The following ANO4 variants were observed in gnomAD, a reference collection of about 807,000 sequenced individuals.
ANO4 encodes anoctamin 4.
Under a neutral mutation model 141.9 loss-of-function variants are expected in ANO4, and 69 were observed. The ratio of observed to expected loss-of-function variants is 0.49; its 90% CI spans 0.40 to 0.59. ANO4 has a LOEUF of 0.59. Among genes scored for constraint, ANO4 ranks in the 20% least tolerant of loss-of-function variants. The pLI is 0.00. For synonymous variants in ANO4, 350 were observed against 394.3 expected, an observed-to-expected ratio of 0.89 and a Z score of 1.33; for missense variants, 894 against 1,162.2, an observed-to-expected ratio of 0.77 and a Z score of 3.36.
intron 4 of ANO4, among the ~76,000 whole-genome samples, chr12:100,940,193 T>C (rs1323633563): frequency 1.3e-5 from 2 of 150,670 alleles, no homozygotes; most frequent in African/African-American, 4.9e-5. Context: ...AGTTTCTTTT[T>C]CTGTTTTTTT....
At chr12:100,733,329 C>T (rs1204121482) in intron 1 of ANO4, among the ~76,000 whole-genome samples, 11 of 152,144 alleles carry the variant, frequency 7.2e-5, no homozygotes, top group Non-Finnish European at 1.3e-4. Context: ...CTGCCTGCAT[C>T]GTTTCCCTCA....
intron 1 of ANO4, among the ~76,000 whole-genome samples, chr12:100,831,471 G>C (rs542470509): frequency 1.3e-5 from 2 of 151,944 alleles, no homozygotes; most frequent in Non-Finnish European, 2.9e-5. Context: ...AACAAGTCCC[G>C]TGTAGGGTCT....
At chr12:101,040,107 C>T (rs1444228958) in intron 11 of ANO4, 31 bp downstream of exon 11, 1 of 1,581,540 alleles carries the variant, frequency 6.3e-7, no homozygotes, top group Admixed American at 1.7e-5. Flanking sequence ...AAATATAAAG[C>T]TTGCACAGAA....
At chr12:100,974,756 C>A in intron 6 of ANO4, 89 bp from the exon 7 acceptor site, 1 of 1,408,256 alleles carries the variant, frequency 7.1e-7, no homozygotes, top group Non-Finnish European at 1.0e-6. Flanking sequence ...AGGCTTCTAT[C>A]TTCAATCTCC....
In ANO4 at chr12:100,890,120, C is replaced by T. The variant is rs182521234; in HGVS notation, c.-140-11526C>T. On this transcript the variant is annotated intron_variant, in intron 1 of 27. Transcript: ENST00000392977. ...ACTATTTATTGAGTATGTCAGGCAC[C>T]ATGCTGTGTGAAAACATATACTTTT... 1.0e-3 allele frequency among the ~76,000 whole-genome samples: 158 copies of T among 152,062 alleles called. 2 individuals are homozygous for T. Among genetic ancestry groups the T allele is most frequent in the Admixed American group, 9.4e-3 (143 of 15,278 alleles).
chr12:100,794,484 CA>C (rs2034175988), upstream of ANO4: 1 of 152,214 alleles, frequency 6.6e-6, no homozygotes. Context: ...CTTTTCCAGG[CA>C]GGGGGTTGTC....
At position 100,973,712 on chromosome 12, in the gene ANO4, TTAAC is replaced by T. The variant is rs552666491; in HGVS notation, c.558-1129_558-1126del. On this transcript the variant is annotated intron_variant, in intron 6 of 27. Transcript: ENST00000392977. ...GTGGACCAATATTGATAAATTCTTA[TTAAC>T]TAAAGTCCATAGTTTACTCTAGGGT... Among the ~76,000 whole-genome samples the T allele has an allele frequency of 7.0e-4, 107 of 152,214 alleles. 1 individual carries two copies. The highest frequency in any genetic ancestry group is 5.1e-4 in the Non-Finnish European group (35 of 68,036).
chr12:100,963,506 C>CTGTG (rs144114076), intron 5 of ANO4, among the ~76,000 whole-genome samples: 1 of 150,488 alleles, frequency 6.6e-6, no homozygotes, highest in African/African-American at 2.4e-5. Context: ...GTGTGTGTGT[C>CTGTG]TGTGTGTGTG....
chr12:101,099,235 A>C (rs1396573039), intron 21 of ANO4, among the ~76,000 whole-genome samples: 1 of 152,136 alleles, frequency 6.6e-6, no homozygotes, highest in Non-Finnish European at 1.5e-5. Context: ...CAAGCCACTT[A>C]AGCCAGATAT....
chr12:100,991,607 C>T (rs1197416699), intron 8 of ANO4, among the ~76,000 whole-genome samples: 1 of 150,462 alleles, frequency 6.6e-6, no homozygotes, highest in Non-Finnish European at 1.5e-5. Context: ...CGAGATTTTC[C>T]AACCTCCACC....
intron 21 of ANO4, 77 bp from the exon 22 acceptor site, chr12:101,099,501 T>A: frequency 1.4e-6 from 2 of 1,394,408 alleles, no homozygotes; most frequent in Non-Finnish European, 1.9e-6. Flanking sequence ...GTTTCTGTAT[T>A]CAAACTCTCC....
intron 1 of ANO4, among the ~76,000 whole-genome samples, chr12:100,796,725 G>A (rs1031524683): frequency 9.9e-5 from 15 of 151,786 alleles, no homozygotes; most frequent in Non-Finnish European, 1.5e-4. Flanking sequence ...ATTGTGGTTC[G>A]CGGCAATACT....
chr12:100,899,962 T>C (rs2040513441), intron 1 of ANO4, among the ~76,000 whole-genome samples: 1 of 152,050 alleles, frequency 6.6e-6, no homozygotes, highest in Non-Finnish European at 1.5e-5. Flanking sequence ...AAGGAAGAGG[T>C]TGTGATTCAA....
intron 1 of ANO4, among the ~76,000 whole-genome samples, chr12:100,817,102 A>T (rs145631548): frequency 6.6e-6 from 1 of 152,026 alleles, no homozygotes; most frequent in East Asian, 1.9e-4. Flanking sequence ...ATGTGGGAAG[A>T]TATAAAATTC....
chr12:100,891,955 G>A (rs1028201349), intron 1 of ANO4, among the ~76,000 whole-genome samples: 2 of 152,070 alleles, frequency 1.3e-5, no homozygotes, highest in Non-Finnish European at 2.9e-5. Flanking sequence ...TCTACTCTCT[G>A]GTACTTATGA....
At chr12:100,717,693 T>C (rs1332816850) in intron 1 of ANO4, 3 of 394,478 alleles carry the variant, frequency 7.6e-6, no homozygotes, top group African/African-American at 2.1e-5. Flanking sequence ...GCGCCGCTCC[T>C]GAGGGGCCGA....
chr12:100,801,833 A>T (rs1248885949), intron 1 of ANO4, among the ~76,000 whole-genome samples: 3 of 152,128 alleles, frequency 2.0e-5, no homozygotes. Flanking sequence ...AGGAACTCTA[A>T]ATGCTGTTTA....
At chr12:101,041,212 G>A (rs2047399821) in intron 11 of ANO4, among the ~76,000 whole-genome samples, 1 of 152,152 alleles carries the variant, frequency 6.6e-6, no homozygotes, top group East Asian at 1.9e-4. Flanking sequence ...AGCCCAGAGG[G>A]GAGGACAAAC....
intron 22 of ANO4, among the ~76,000 whole-genome samples, chr12:101,105,266 C>T (rs2050395031): frequency 1.3e-5 from 2 of 152,168 alleles, no homozygotes; most frequent in African/African-American, 2.4e-5. Flanking sequence ...TCTTATCTGC[C>T]TAACATCACC....
Sources: gnomAD v4.1 joint callset for allele counts (sites outside exome capture counted in the v4.1 genomes callset) on GRCh38, gnomAD v4.1.1 for gene constraint, MANE v1.5 for transcripts, NCBI Gene and HGNC (gene_info 2026-07-23, HGNC 2026-07-21) for gene names.